TEKT5: variants seen among roughly 807,000 people sequenced by gnomAD.
TEKT5 encodes tektin 5.
TEKT5 carries 52 observed loss-of-function variants against 48.7 expected under a neutral mutation model. The ratio of observed to expected loss-of-function variants is 1.07; its 90% CI spans 0.86 to 1.35. The LOEUF (loss-of-function observed/expected upper bound fraction) is 1.35. TEKT5 is among the 40% of genes most tolerant of loss of function. TEKT5 has a pLI of 0.00. For synonymous variants in TEKT5, 318 were observed against 267.6 expected (o/e 1.19, Z -1.84); for missense variants, 831 against 641.6 (o/e 1.30, Z -3.19).
intron 1 of TEKT5, among the ~76,000 whole-genome samples, 180 bp downstream of exon 1, chr16:10,694,130 C>A (rs1007206018): frequency 2.0e-5 from 3 of 152,164 alleles, no homozygotes; most frequent in Non-Finnish European, 4.4e-5. Flanking sequence ...GTCCAAGAAA[C>A]CCTGATTTGA....
At chr16:10,670,476 G>T (rs551172094) in intron 5 of TEKT5, among the ~76,000 whole-genome samples, 1 of 152,106 alleles carries the variant, frequency 6.6e-6, no homozygotes, top group African/African-American at 2.4e-5. Flanking sequence ...CCAAGATCTC[G>T]TCACTGCACT....
At chr16:10,690,758 G>T (rs1344144892) in intron 1 of TEKT5, 8 of 985,258 alleles carry the variant, frequency 8.1e-6, no homozygotes, top group Non-Finnish European at 9.6e-6. Flanking sequence ...TTTCAGGGGC[G>T]CTCTATGATG....
intron 5 of TEKT5, among the ~76,000 whole-genome samples, chr16:10,644,790 T>C (rs1199534904): frequency 1.3e-5 from 2 of 152,224 alleles, no homozygotes; most frequent in Non-Finnish European, 2.9e-5. Context: ...TTGAATTTCA[T>C]ATAAACAACA....
chr16:10,681,619 C>T (rs912340581), intron 4 of TEKT5, among the ~76,000 whole-genome samples: 2 of 148,224 alleles, frequency 1.3e-5, no homozygotes, highest in African/African-American at 2.5e-5. Context: ...TTTGGTGAAA[C>T]TGCTGAGTGG....
chr16:10,680,875 G>A, intron 4 of TEKT5, among the ~76,000 whole-genome samples: 1 of 102,304 alleles, frequency 9.8e-6, no homozygotes, highest in South Asian at 4.7e-4. Context: ...GGGGGGAGGG[G>A]GGAGGGATAG....
At chr16:10,630,016 G>T (rs1897815035) in intron 6 of TEKT5, among the ~76,000 whole-genome samples, 1 of 152,072 alleles carries the variant, frequency 6.6e-6, no homozygotes, top group African/African-American at 2.4e-5. Context: ...GCTCACTGCA[G>T]CCTCAACTTC....
chr16:10,654,507 G>A (rs76697659), intron 5 of TEKT5, among the ~76,000 whole-genome samples: 9 of 152,276 alleles, frequency 5.9e-5, no homozygotes, highest in East Asian at 5.8e-4. Flanking sequence ...TGAACTCTGC[G>A]GTCATGTCCA....
chr16:10,645,025 C>G (rs1174066563), intron 5 of TEKT5, among the ~76,000 whole-genome samples: 2 of 152,150 alleles, frequency 1.3e-5, no homozygotes, highest in Admixed American at 1.3e-4. Context: ...CTGTCTACAA[C>G]CCGGAAGAGG....
At chr16:10,657,355 C>T (rs980473022) in intron 5 of TEKT5, among the ~76,000 whole-genome samples, 2 of 151,516 alleles carry the variant, frequency 1.3e-5, no homozygotes, top group Admixed American at 6.6e-5. Flanking sequence ...CTCGAACTCC[C>T]GACCTCAGGT....
chr16:10,643,768 T>G (rs964925710), intron 5 of TEKT5, among the ~76,000 whole-genome samples: 7 of 152,186 alleles, frequency 4.6e-5, no homozygotes, highest in African/African-American at 1.7e-4. Flanking sequence ...CCGGGCGGGG[T>G]GGCTCACGCC....
At position 10,682,136 on chromosome 16, in the gene TEKT5, C is replaced by T; in HGVS notation, c.720G>A (p.Arg240=). The part of the protein sequence containing the change: ...KLAQRIDIQM[R]DNRDAQHVLE... Reference sequence around the variant, plus strand: ...GCACGTGCTGAGCATCCCGGTTATCCCTGCAGGGAGGGAGGAGTCATTCCT... The same window carrying T: ...GCACGTGCTGAGCATCCCGGTTATCTCTGCAGGGAGGGAGGAGTCATTCCT... The change falls in exon 4 of 7, where the codon CGG becomes CGA. Residue 240 remains arginine, a splice_region_variant and synonymous_variant. Transcript: ENST00000283025. 1 of 1,613,920 alleles carries T rather than the reference C, an allele frequency of 6.2e-7. No homozygotes were observed. Among genetic ancestry groups the T allele is most frequent in the Non-Finnish European group, 8.5e-7 (1 of 1,179,896 alleles).
rs16957557 is a variant in TEKT5 at position 10,694,699 on chromosome 16, C to T, written c.175G>A (p.Ala59Thr). The T allele has an allele frequency of 0.015, 23,713 of 1,613,652 alleles. 244 individuals carry two copies. The highest frequency in any genetic ancestry group is 0.017 in the Non-Finnish European group (20,222 of 1,179,760). ...TCGTCCGGGCAGGTCTGGACGTTGGCTATCTTGTAGAAGAGGCTAGGCCTC... is the reference window on the plus strand; with the variant it reads ...TCGTCCGGGCAGGTCTGGACGTTGGTTATCTTGTAGAAGAGGCTAGGCCTC... ...SWRPSLFYKI[A>T]NVQTCPDEST... Residue 59 changes from alanine (A) to threonine (T), a missense_variant, in exon 1 of 7, where the codon GCC becomes ACC. Coordinates refer to ENST00000283025, the MANE Select transcript of TEKT5 (RefSeq NM_144674.2).
intron 6 of TEKT5, among the ~76,000 whole-genome samples, chr16:10,629,174 A>G (rs1897798831): frequency 6.6e-6 from 1 of 151,906 alleles, no homozygotes; most frequent in African/African-American, 2.4e-5. Flanking sequence ...AGAACTAGAG[A>G]GTGGTGAGGG....
intron 5 of TEKT5, among the ~76,000 whole-genome samples, chr16:10,674,635 A>C (rs1218513713): frequency 6.6e-6 from 1 of 150,584 alleles, no homozygotes; most frequent in East Asian, 1.9e-4. Context: ...AAAAAAAAAA[A>C]AAAAAACAGA....
chr16:10,690,660 G>A, intron 1 of TEKT5: 2 of 985,414 alleles, frequency 2.0e-6, no homozygotes, highest in South Asian at 9.4e-5. Context: ...TTGGGGAAGT[G>A]GTCAGGACAA....
Position 10,665,930 on chromosome 16 carries a change from A to T in TEKT5, c.1086+10029T>A, listed in dbSNP as rs538724562. Among the ~76,000 whole-genome samples the T allele has an allele frequency of 2.7e-4, 41 of 152,312 alleles. 2 individuals are homozygous for T. In the South Asian group the frequency reaches 6.2e-3, roughly 23 times the overall value. ...TGAAAGCCACATTCACACCAAGCCCAGCACCTACAGGAACGCAGTCTTCAA... is the reference window on the plus strand; with the variant it reads ...TGAAAGCCACATTCACACCAAGCCCTGCACCTACAGGAACGCAGTCTTCAA... On this transcript the variant is annotated intron_variant, in intron 5 of 6. Coordinates refer to ENST00000283025, the MANE Select transcript of TEKT5 (RefSeq NM_144674.2).
At chr16:10,651,855 G>C (rs1359903035) in intron 5 of TEKT5, among the ~76,000 whole-genome samples, 3 of 152,140 alleles carry the variant, frequency 2.0e-5, no homozygotes, top group African/African-American at 4.8e-5. Context: ...CAAGCTACTT[G>C]AGAGGCTGAG....
intron 2 of TEKT5, 31 bp downstream of exon 2, chr16:10,689,911 G>C (rs1240985687): frequency 5.0e-6 from 8 of 1,611,590 alleles, no homozygotes; most frequent in African/African-American, 1.3e-5. Context: ...GCCTCCTTCA[G>C]GGGGCTGGGC....
At chr16:10,664,934 A>G (rs565868831) in intron 5 of TEKT5, among the ~76,000 whole-genome samples, 1 of 152,346 alleles carries the variant, frequency 6.6e-6, no homozygotes, top group Admixed American at 6.5e-5. Flanking sequence ...CTTGTCAATC[A>G]TCATTACTCC....
Sources: gnomAD v4.1 joint callset for allele counts (sites outside exome capture counted in the v4.1 genomes callset) on GRCh38, gnomAD v4.1.1 for gene constraint, MANE v1.5 for transcripts, NCBI Gene and HGNC (gene_info 2026-07-23, HGNC 2026-07-21) for gene names.